SYT7: variants seen among roughly 807,000 people sequenced by gnomAD.
The protein encoded by SYT7 is synaptotagmin 7, also known as synaptotagmin-7.
Under a neutral mutation model 75.1 loss-of-function variants are expected in SYT7, and 29 were observed. That is an observed-to-expected ratio of 0.39 (90% CI 0.29 to 0.53). The LOEUF (loss-of-function observed/expected upper bound fraction) is 0.53. Among genes scored for constraint, SYT7 ranks in the 20% least tolerant of loss-of-function variants. The pLI, the probability that SYT7 is intolerant of heterozygous loss-of-function variation, is 0.77. For synonymous variants in SYT7, 376 were observed against 401.7 expected (o/e 0.94, Z 0.76); for missense variants, 693 against 953.2 (o/e 0.73, Z 3.59).
At chr11:61,570,033 G>A (rs546017335) in intron 1 of SYT7, among the ~76,000 whole-genome samples, 38 of 152,356 alleles carry the variant, frequency 2.5e-4, no homozygotes, top group Non-Finnish European at 5.1e-4. Flanking sequence ...GCTGAGCCAG[G>A]GGCCCTCCTG....
chr11:61,568,715 C>A (rs1298978909), intron 1 of SYT7, among the ~76,000 whole-genome samples: 1 of 152,234 alleles, frequency 6.6e-6, no homozygotes, highest in Non-Finnish European at 1.5e-5. Flanking sequence ...AAGACCACTC[C>A]AGCCCCCCAC....
At position 61,546,425 on chromosome 11, in the gene SYT7, G is replaced by A; in HGVS notation, c.348-170C>T. 1.8e-6 allele frequency: 1 copy of A among 570,512 alleles called. No individual in the cohort carries two copies. The highest frequency in any genetic ancestry group is 3.1e-6 in the Non-Finnish European group (1 of 324,262). 35.3% of individuals were successfully genotyped at this position (570,512 alleles called of 1,614,324 possible). A position where few individuals can be genotyped will look rare whatever the true frequency, so the allele number is the denominator to read the frequency against. ...GAGGAGGAGAGAGACAGACGGACATGAGACAGACAGAGAGAGAGAGAGAGA... is the reference window on the plus strand; with the variant it reads ...GAGGAGGAGAGAGACAGACGGACATAAGACAGACAGAGAGAGAGAGAGAGA... On this transcript the variant is annotated intron_variant, in intron 4 of 12. Coordinates refer to ENST00000539008, the MANE Select transcript of SYT7 (RefSeq NM_001365809.2). The surrounding 1 kb of genome is among the most constrained non-coding windows in gnomAD (Gnocchi z 7.6).
At chr11:61,536,999 C>T (rs2062887828) in intron 7 of SYT7, among the ~76,000 whole-genome samples, 1 of 152,198 alleles carries the variant, frequency 6.6e-6, no homozygotes, top group African/African-American at 2.4e-5. Context: ...TAGAGGTTAG[C>T]CTGTCCAATC....
At chr11:61,536,115 C>T (rs2062862772) in intron 7 of SYT7, among the ~76,000 whole-genome samples, 1 of 152,064 alleles carries the variant, frequency 6.6e-6, no homozygotes, top group Admixed American at 6.5e-5. Context: ...GAAATGTTTC[C>T]AGGATGGGTG....
rs139433433 is a variant in SYT7, at chr11:61,514,009, G to T, written c.*4618C>A. ...CAGAAAGCAGCAGTATCCAGGGGGGGACTCACAGGAGAAAGAAAACACCAG... is the reference window on the plus strand; with the variant it reads ...CAGAAAGCAGCAGTATCCAGGGGGGTACTCACAGGAGAAAGAAAACACCAG... On this transcript the variant is annotated 3_prime_UTR_variant, in exon 13 of 13. Transcript: ENST00000539008. Among the ~76,000 whole-genome samples the T allele has an allele frequency of 7.0e-4, 107 of 152,092 alleles. No individual in the cohort carries two copies. The highest frequency in any genetic ancestry group is 2.4e-3 in the African/African-American group (99 of 41,410).
chr11:61,547,152 G>T (rs760115614), intron 4 of SYT7, 25 bp downstream of exon 4: 2 of 1,534,454 alleles, frequency 1.3e-6, no homozygotes, highest in South Asian at 2.4e-5. Flanking sequence ...CGGTACATAT[G>T]ATCAAACCAG....
At position 61,551,525 on chromosome 11, in the gene SYT7, G is replaced by T; in HGVS notation, c.136-62C>A. 6.5e-7 allele frequency: 1 copy of T among 1,532,588 alleles called. No homozygotes were observed. The highest frequency in any genetic ancestry group is 9.0e-7 in the Non-Finnish European group (1 of 1,110,966). The allele number at this position is 1,532,588 out of a possible 1,614,324, so 94.9% of individuals were successfully genotyped here. ...GGACTGTACCCTCCCTACCTCCCCA[G>T]AACAGGGACCCGGAGGGGAAGGAGA... On this transcript the variant is annotated intron_variant, in intron 2 of 12. Transcript: ENST00000539008. The surrounding 1 kb of genome is among the most constrained non-coding windows in gnomAD (Gnocchi z 5.3).
chr11:61,574,066 C>T (rs1169596969), intron 1 of SYT7, among the ~76,000 whole-genome samples: 1 of 152,244 alleles, frequency 6.6e-6, no homozygotes, highest in Admixed American at 6.5e-5. Flanking sequence ...GAAGCCCTCC[C>T]CAACTCCTCC....
rs2064145205 is a variant in SYT7 at position 61,578,436 on chromosome 11, G to A, written c.31+2354C>T. Reference sequence around the variant, plus strand: ...GGATGAGAGGATCAGGATATAAAAGGCACTGGCCCCTGGGAGACCAGAGGG... The same window carrying A: ...GGATGAGAGGATCAGGATATAAAAGACACTGGCCCCTGGGAGACCAGAGGG... On this transcript the variant is annotated intron_variant, in intron 1 of 12. Coordinates refer to ENST00000539008, the MANE Select transcript of SYT7 (RefSeq NM_001365809.2). 3.3e-5 allele frequency among the ~76,000 whole-genome samples: 5 copies of A among 152,008 alleles called. No homozygotes were observed. In the South Asian group the frequency reaches 1.0e-3, roughly 32 times the overall value.
intron 1 of SYT7, among the ~76,000 whole-genome samples, chr11:61,570,913 T>A (rs1415346472): frequency 6.6e-6 from 1 of 151,026 alleles, no homozygotes; most frequent in East Asian, 1.9e-4. Flanking sequence ...ACTACGTACA[T>A]AGTGATAACT....
At chr11:61,579,354 AG>A (rs2064176545) in intron 1 of SYT7, among the ~76,000 whole-genome samples, 2 of 152,170 alleles carry the variant, frequency 1.3e-5, no homozygotes, top group African/African-American at 4.8e-5. Context: ...CAGACAGATG[AG>A]GGGAGGGCTC....
At chr11:61,547,943 C>CA (rs2063240312) in intron 3 of SYT7, among the ~76,000 whole-genome samples, 1 of 152,234 alleles carries the variant, frequency 6.6e-6, no homozygotes, top group African/African-American at 2.4e-5. Context: ...GGGGCAGGCC[C>CA]AGCCCCTTGC....
intron 9 of SYT7, 42 bp downstream of exon 9, chr11:61,527,873 G>A (rs1277108147): frequency 6.2e-7 from 1 of 1,605,642 alleles, no homozygotes; most frequent in Non-Finnish European, 8.5e-7. Flanking sequence ...ATGGTAGACA[G>A]CAAGAGGTGA....
At position 61,523,266 on chromosome 11, in the gene SYT7, C is replaced by T. The variant is rs2062405786; in HGVS notation, c.1765G>A (p.Val589Met). 1.2e-6 allele frequency: 2 copies of T among 1,614,094 alleles called. No individual in the cohort carries two copies. The highest frequency in any genetic ancestry group is 8.5e-7 in the Non-Finnish European group (1 of 1,180,030). The change falls in exon 12 of 13, where the codon GTG (valine) becomes ATG (methionine). Residue 589 changes from valine to methionine, a missense_variant. Physicochemically the swap from Val to Met is conservative, Grantham distance 21. Transcript: ENST00000539008. The surrounding 1 kb of genome is among the most constrained non-coding windows in gnomAD (Gnocchi z 5.0). The part of the protein sequence containing the change: ...MDIGGTSDPY[V>M]KVWLMYKDKR... The stretch of plus-strand genomic sequence containing the variant: ...TCCTTGTACATCAGCCATACCTTCA[C>T]GTAGGGGTCTAGGGGAGGGAGTGGG...
chr11:61,523,882 G>A lies in SYT7; in HGVS notation c.1701C>T (p.Ile567=), dbSNP rs773862270. ...LCYNPSANSI[I]VNIIKARNLK... ...GGTTCCGGGCTTTGATGATGTTCAC[G>A]ATGATGGAGTTGGCAGAGGGGTTGT... is the stretch of plus-strand genomic sequence containing the variant. Residue 567 remains isoleucine, a synonymous_variant, in exon 11 of 13, where the codon ATC becomes ATT. Coordinates refer to ENST00000539008, the MANE Select transcript of SYT7 (RefSeq NM_001365809.2). The surrounding 1 kb of genome is among the most constrained non-coding windows in gnomAD (Gnocchi z 5.0). 8.7e-6 allele frequency: 14 copies of A among 1,613,952 alleles called. No individual in the cohort carries two copies. The highest frequency in any genetic ancestry group is 5.3e-5 in the African/African-American group (4 of 74,896).
Position 61,581,004 on chromosome 11 carries a change from G to A in SYT7, c.-184C>T. The stretch of plus-strand genomic sequence containing the variant: ...GGGCCGCCCGCCAGCCCTCCCGCCC[G>A]CCCGCGGAGCACGCTGCCGCCGCCG... On this transcript the variant is annotated 5_prime_UTR_variant, in exon 1 of 13. Transcript: ENST00000539008. 1 of 451,372 alleles carries A rather than the reference G, an allele frequency of 2.2e-6. No homozygotes were observed. Among genetic ancestry groups the A allele is most frequent in the Non-Finnish European group, 2.9e-6 (1 of 349,306 alleles). 28.0% of individuals were successfully genotyped at this position (451,372 alleles called of 1,614,324 possible).
chr11:61,533,691 G>A (rs1406254691), intron 7 of SYT7: 2 of 984,724 alleles, frequency 2.0e-6, no homozygotes, highest in Admixed American at 1.2e-4. Flanking sequence ...TCTCCACAGT[G>A]ACAGAGTGTT....
intron 1 of SYT7, among the ~76,000 whole-genome samples, chr11:61,563,901 G>A (rs1324503690): frequency 6.6e-6 from 1 of 152,226 alleles, no homozygotes; most frequent in Non-Finnish European, 1.5e-5. Context: ...GAAGACCAAA[G>A]TCTGGTACAC....
Position 61,534,061 on chromosome 11 carries a change from G to C in SYT7, c.1065-937C>G, listed in dbSNP as rs560538437. 1.2e-3 allele frequency among the ~76,000 whole-genome samples: 178 copies of C among 152,330 alleles called. 1 individual carries two copies. The highest frequency in any genetic ancestry group is 4.1e-3 in the African/African-American group (169 of 41,566). On this transcript the variant is annotated intron_variant, in intron 7 of 12. Coordinates refer to ENST00000539008, the MANE Select transcript of SYT7 (RefSeq NM_001365809.2). The stretch of plus-strand genomic sequence containing the variant: ...TCCGTTCAGCTGGGGGTCAGGAAGG[G>C]GGCACTAAAAGCCTGCCCAGGGACC...
Sources: gnomAD v4.1 joint callset for allele counts (sites outside exome capture counted in the v4.1 genomes callset) on GRCh38, gnomAD v4.1.1 for gene constraint, Gnocchi (gnomAD v3.1) non-coding constraint, MANE v1.5 for transcripts, NCBI Gene and HGNC (gene_info 2026-07-23, HGNC 2026-07-21) for gene names.